AKT1S1: variants seen among roughly 807,000 people sequenced by gnomAD.
AKT1S1 encodes AKT1 substrate 1.
In AKT1S1, 17 loss-of-function variants were observed where a neutral mutation model predicts 21.2. The observed-to-expected ratio is 0.80, with a 90% CI of 0.55 to 1.20. The LOEUF is 1.20. Among genes scored for constraint, AKT1S1 ranks in the 50% most tolerant of loss-of-function variants. AKT1S1 has a pLI of 0.00. For synonymous variants in AKT1S1, 181 were observed against 165.6 expected, an observed-to-expected ratio of 1.09 and a Z score of -0.72; for missense variants, 366 against 368.3, an observed-to-expected ratio of 0.99 and a Z score of 0.05.
Position 49,873,119 on chromosome 19 carries a change from G to T in AKT1S1, c.177C>A (p.Arg59=). The change falls in exon 2 of 5, where the codon CGC becomes CGA. Residue 59 remains arginine, a synonymous_variant. Coordinates refer to ENST00000344175, the MANE Select transcript of AKT1S1 (RefSeq NM_001098633.4). This position sits in a 1 kb window ranked among gnomAD's most constrained non-coding sequence, Gnocchi z 6.9. ...HGRGALAEAA[R]RCLHDIALAH... is the part of the protein sequence containing the mutation. Reference sequence around the variant, plus strand: ...CCAGTGCGATGTCGTGGAGGCAACGGCGCGCTGCCTCCGCCAGGGCTCCTC... The same window carrying T: ...CCAGTGCGATGTCGTGGAGGCAACGTCGCGCTGCCTCCGCCAGGGCTCCTC... 6.5e-7 allele frequency: 1 copy of T among 1,543,042 alleles called. No individual in the cohort carries two copies. Among genetic ancestry groups the T allele is most frequent in the Non-Finnish European group, 8.7e-7 (1 of 1,148,682 alleles).
chr19:49,878,037 CG>C (rs887288155), upstream of AKT1S1: 3 of 963,488 alleles, frequency 3.1e-6, no homozygotes, highest in African/African-American at 5.0e-5. Context: ...ATGGCCCTCC[CG>C]GCCCCGCCCC....
Position 49,869,677 on chromosome 19 carries a change from T to G in AKT1S1, c.*240A>C, listed in dbSNP as rs1293213387. ...AGCCAATCCCTTAATAGAAGGAATC[T>G]GTCGCTAGGCGGAGAGAGACGACAG... On this transcript the variant is annotated 3_prime_UTR_variant, in exon 5 of 5. Transcript: ENST00000344175. 1.4e-5 allele frequency: 6 copies of G among 427,382 alleles called. No individual in the cohort carries two copies. Among genetic ancestry groups the G allele is most frequent in the African/African-American group, 8.2e-5 (4 of 48,660 alleles). The allele number at this position is 427,382 out of a possible 1,614,324, so 26.5% of individuals were successfully genotyped here. A position where few individuals can be genotyped will look rare whatever the true frequency, so the allele number is the denominator to read the frequency against.
chr19:49,877,748 A>G (rs892462860), upstream of AKT1S1: 3 of 1,593,726 alleles, frequency 1.9e-6, no homozygotes, highest in Middle Eastern at 1.7e-4. Context: ...CTACAGGGTA[A>G]GCACTGAGGA....
upstream of AKT1S1, chr19:49,877,467 G>C: frequency 5.9e-6 from 3 of 504,764 alleles, no homozygotes; most frequent in Non-Finnish European, 1.1e-5. Flanking sequence ...TTACTTCGTG[G>C]CGAGAGGGCG....
At chr19:49,876,658 C>A in intron 1 of AKT1S1, 1 of 1,494,756 alleles carries the variant, frequency 6.7e-7, no homozygotes, top group Non-Finnish European at 9.0e-7. Flanking sequence ...AAAGACATGG[C>A]GGCGCCTTGC....
At chr19:49,872,774 C>T (rs1483257273) in intron 2 of AKT1S1, 143 bp downstream of exon 2, 15 of 1,033,544 alleles carry the variant, frequency 1.5e-5, no homozygotes, top group Non-Finnish European at 1.9e-5. Flanking sequence ...ACAGCAAGCC[C>T]CAGGCAAGCC....
upstream of AKT1S1, chr19:49,877,776 G>A (rs368492657): frequency 6.3e-7 from 1 of 1,576,912 alleles, no homozygotes; most frequent in Admixed American, 1.9e-5. Flanking sequence ...CCTCGCTTCA[G>A]TGTATGCGAA....
chr19:49,875,963 C>T, intron 1 of AKT1S1: 2 of 985,348 alleles, frequency 2.0e-6, no homozygotes, highest in Non-Finnish European at 2.4e-6. Context: ...CGTGTAAGAT[C>T]AGGGAGAGAT....
intron 1 of AKT1S1, chr19:49,876,564 C>T (rs931020604): frequency 1.3e-6 from 2 of 1,488,974 alleles, no homozygotes; most frequent in Admixed American, 4.9e-5. Context: ...ACGGCCAAAT[C>T]CTCCCCACAC....
Position 49,872,987 on chromosome 19 carries a change from G to A in AKT1S1, c.309C>T (p.Asn103=), listed in dbSNP as rs202103607. Reference sequence around the variant, plus strand: ...CTGTGGGCTCATCCTCGTCCTCCTCGTTGTCCTCTCTGGCCAGGGTAGGCC... The same window carrying A: ...CTGTGGGCTCATCCTCGTCCTCCTCATTGTCCTCTCTGGCCAGGGTAGGCC... The part of the protein sequence containing the change: ...PPRPTLARED[N]EEDEDEPTET... Residue 103 remains asparagine (N), a synonymous_variant, in exon 2 of 5, where the codon AAC becomes AAT. Transcript: ENST00000344175. 1.3e-5 allele frequency: 21 copies of A among 1,595,920 alleles called. No homozygotes were observed. The highest frequency in any genetic ancestry group is 6.9e-5 in the Admixed American group (4 of 58,020).
Position 49,873,521 on chromosome 19 carries a change from T to G in AKT1S1, c.-7-219A>C. 2.8e-5 allele frequency: 22 copies of G among 783,794 alleles called. No individual in the cohort carries two copies. The highest frequency in any genetic ancestry group is 3.7e-5 in the East Asian group (1 of 27,224). The allele number at this position is 783,794 out of a possible 1,614,324, so 48.6% of individuals were successfully genotyped here. A position where few individuals can be genotyped will look rare whatever the true frequency, so the allele number is the denominator to read the frequency against. The stretch of plus-strand genomic sequence containing the variant: ...TGGCGACGTCCTCTGCCCCAACCCA[T>G]TCCTCCTGCCCCAAGTCACTGTACT... On this transcript the variant is annotated intron_variant, in intron 1 of 4. Coordinates refer to ENST00000344175, the MANE Select transcript of AKT1S1 (RefSeq NM_001098633.4). This position sits in a 1 kb window ranked among gnomAD's most constrained non-coding sequence, Gnocchi z 6.9.
At chr19:49,871,497 C>T (rs371689582) in intron 4 of AKT1S1, 50 bp downstream of exon 4, 1 of 1,610,344 alleles carries the variant, frequency 6.2e-7, no homozygotes, top group Admixed American at 1.7e-5. Context: ...GAGGAGGCGG[C>T]TCAGAGCCCT....
chr19:49,876,700 C>G (rs747800215), intron 1 of AKT1S1: 2 of 1,438,556 alleles, frequency 1.4e-6, no homozygotes, highest in Non-Finnish European at 1.8e-6. Flanking sequence ...CGCCTCCTCT[C>G]CGCACACTCC....
rs113664904 is a variant in AKT1S1, at chr19:49,876,549, T to G, written c.-8+688A>C. ...CTCGCCCTCCCAGCGCCCCGCTGCC[T>G]CAGGACGGCCAAATCCTCCCCACAC... On this transcript the variant is annotated intron_variant, in intron 1 of 4. Transcript: ENST00000344175. 5 of 1,472,232 alleles carry G rather than the reference T, an allele frequency of 3.4e-6. No homozygotes were observed. In the African/African-American group the frequency reaches 4.3e-5, roughly 13 times the overall value. The allele number at this position is 1,472,232 out of a possible 1,614,324, so 91.2% of individuals were successfully genotyped here. A position where few individuals can be genotyped will look rare whatever the true frequency, so the allele number is the denominator to read the frequency against.
intron 1 of AKT1S1, chr19:49,876,480 C>A (rs2074945813): frequency 8.2e-7 from 1 of 1,225,462 alleles, no homozygotes; most frequent in East Asian, 3.2e-5. Flanking sequence ...GCTGGCAGAC[C>A]TCTGCCCTCT....
chr19:49,869,645 C>G lies in AKT1S1; in HGVS notation c.*272G>C, dbSNP rs558728671. ...GAGTTGACCCATTTAGAGCTTAGAA[C>G]TCAGCGAGCCAATCCCTTAATAGAA... On this transcript the variant is annotated 3_prime_UTR_variant, in exon 5 of 5. Coordinates refer to ENST00000344175, the MANE Select transcript of AKT1S1 (RefSeq NM_001098633.4). 2.7e-6 allele frequency: 1 copy of G among 377,274 alleles called. No individual in the cohort carries two copies. Among genetic ancestry groups the G allele is most frequent in the East Asian group, 4.2e-5 (1 of 24,070 alleles). The allele number at this position is 377,274 out of a possible 1,614,324, so 23.4% of individuals were successfully genotyped here.
rs763556795 is a variant in AKT1S1 at position 49,871,828 on chromosome 19, G to T, written c.441C>A (p.Asp147Glu). 3 of 1,611,854 alleles carry T rather than the reference G, an allele frequency of 1.9e-6. No homozygotes were observed. The highest frequency in any genetic ancestry group is 2.7e-5 in the African/African-American group (2 of 74,668). ...GACACTCACCATCTGTACTCTCGGGGTCTGACTCACAGAAGGGGGGAAGGT... is the reference window on the plus strand; with the variant it reads ...GACACTCACCATCTGTACTCTCGGGTTCTGACTCACAGAAGGGGGGAAGGT... ...LQDLPPFCES[D>E]PESTDDGSLS... Residue 147 changes from aspartate to glutamate, a missense_variant, in exon 3 of 5, where the codon GAC (aspartate) becomes GAA (glutamate). Physicochemically the swap from Asp to Glu is conservative, Grantham distance 45. Coordinates refer to ENST00000344175, the MANE Select transcript of AKT1S1 (RefSeq NM_001098633.4).
In AKT1S1 at chr19:49,871,495, G is replaced by C; in HGVS notation, c.627+52C>G. On this transcript the variant is annotated intron_variant, in intron 4 of 4. Transcript: ENST00000344175. ...TGCTGGAGGGCTTCCTGGAGGAGGC[G>C]GCTCAGAGCCCTTCCAGCTGCCCTC... 1.9e-6 allele frequency: 3 copies of C among 1,608,208 alleles called. No individual in the cohort carries two copies. The Admixed American group carries it at 5.0e-5, about 27-fold the overall frequency.
upstream of AKT1S1, chr19:49,878,164 G>T: frequency 6.3e-7 from 1 of 1,578,502 alleles, no homozygotes; most frequent in Non-Finnish European, 8.6e-7. Context: ...GAAGGGCGGA[G>T]TGTACCTGCA....
Sources: allele counts gnomAD v4.1 joint callset, GRCh38; gene constraint gnomAD v4.1.1; non-coding constraint Gnocchi (gnomAD v3.1); transcripts MANE v1.5; gene names NCBI Gene and HGNC (gene_info 2026-07-23, HGNC 2026-07-21).